ABCF2: variants seen among roughly 807,000 people sequenced by gnomAD.
ABCF2 encodes ATP-binding cassette sub-family F member 2.
Under a neutral mutation model 76.9 loss-of-function variants are expected in ABCF2, and 37 were observed. The ratio of observed to expected loss-of-function variants is 0.48; its 90% CI spans 0.37 to 0.63. The LOEUF (loss-of-function observed/expected upper bound fraction) is 0.63. Among genes scored for constraint, ABCF2 ranks in the 30% least tolerant of loss-of-function variants. The pLI is 0.00. For synonymous variants in ABCF2, 299 were observed against 283.7 expected (o/e 1.05, Z -0.54); for missense variants, 524 against 782.1 (o/e 0.67, Z 3.94).
intron 3 of ABCF2, 119 bp downstream of exon 3, chr7:151,224,657 T>C (rs1020634007): frequency 2.2e-6 from 2 of 893,978 alleles, no homozygotes; most frequent in Non-Finnish European, 3.6e-6. Flanking sequence ...GGACATAATC[T>C]GGTCTCCCAT....
In ABCF2 at chr7:151,215,144, C is replaced by G; in HGVS notation, c.1531-62G>C. The G allele has an allele frequency of 6.9e-7, 1 of 1,459,676 alleles. No homozygotes were observed. The highest frequency in any genetic ancestry group is 1.2e-5 in the South Asian group (1 of 82,598). 90.4% of individuals were successfully genotyped at this position (1,459,676 alleles called of 1,614,324 possible). ...ATCCCCGCCAAACAGCACAGCTCAT[C>G]TCTCCCTCATTTCTCCCTGACTCCT... On this transcript the variant is annotated intron_variant, in intron 13 of 14. Coordinates refer to ENST00000287844, the MANE Select transcript of ABCF2 (RefSeq NM_007189.3). This position sits in a 1 kb window ranked among gnomAD's most constrained non-coding sequence, Gnocchi z 4.6.
intron 11 of ABCF2, among the ~76,000 whole-genome samples, chr7:151,217,038 A>T (rs1802165347): frequency 6.6e-6 from 1 of 152,248 alleles, no homozygotes; most frequent in African/African-American, 2.4e-5. Context: ...ATAATCACGA[A>T]TGTGGCTGGT....
In ABCF2 at chr7:151,214,052, G is replaced by A. The variant is rs1181517217; in HGVS notation, c.*2C>T. 2 of 1,613,494 alleles carry A rather than the reference G, an allele frequency of 1.2e-6. No homozygotes were observed. The highest frequency in any genetic ancestry group is 1.7e-6 in the Non-Finnish European group (2 of 1,179,914). ...CTCCTGACCCGAACCCAGGTAGAGGGCTCACACGTTGTGGGTCCTCTTGGT... is the reference window on the plus strand; with the variant it reads ...CTCCTGACCCGAACCCAGGTAGAGGACTCACACGTTGTGGGTCCTCTTGGT... On this transcript the variant is annotated 3_prime_UTR_variant, in exon 15 of 15. Transcript: ENST00000287844. The surrounding 1 kb of genome is among the most constrained non-coding windows in gnomAD (Gnocchi z 4.9).
At position 151,212,301 on chromosome 7, in the gene ABCF2, T is replaced by G; in HGVS notation, c.*1753A>C. 5 of 985,056 alleles carry G rather than the reference T, an allele frequency of 5.1e-6. No homozygotes were observed. The highest frequency in any genetic ancestry group is 6.0e-6 in the Non-Finnish European group (5 of 829,924). 61.0% of individuals were successfully genotyped at this position (985,056 alleles called of 1,614,324 possible). On this transcript the variant is annotated 3_prime_UTR_variant, in exon 15 of 15. Transcript: ENST00000287844. ...AAGTTCAAAAGACCCAGATAAGGTA[T>G]GCAGAGCCCTGGGCTGGAAGTGAAT...
chr7:151,226,503 G>A lies in ABCF2; in HGVS notation c.-42-3C>T. On this transcript the variant is annotated splice_polypyrimidine_tract_variant and splice_region_variant and intron_variant, in intron 1 of 14. Coordinates refer to ENST00000287844, the MANE Select transcript of ABCF2 (RefSeq NM_007189.3). ...AGGTTACTGTTGTTTCAGGGAGCCT[G>A]AAGGAAGGCAAACAGATACCCCCAA... is the stretch of plus-strand genomic sequence containing the variant. The A allele has an allele frequency of 6.3e-7, 1 of 1,595,238 alleles. No homozygotes were observed. The highest frequency in any genetic ancestry group is 8.5e-7 in the Non-Finnish European group (1 of 1,170,940).
intron 11 of ABCF2, among the ~76,000 whole-genome samples, chr7:151,216,892 C>T (rs1802162210): frequency 6.6e-6 from 1 of 152,102 alleles, no homozygotes; most frequent in Non-Finnish European, 1.5e-5. Flanking sequence ...TTAATAAAAA[C>T]AAGGTAAGAT....
chr7:151,226,267 T>C, intron 2 of ABCF2, 38 bp downstream of exon 2: 1 of 1,603,746 alleles, frequency 6.2e-7, no homozygotes, highest in Non-Finnish European at 8.5e-7. Context: ...GCATTAAGTC[T>C]TAGCAACCAT....
Position 151,213,134 on chromosome 7 carries a change from G to C in ABCF2, c.*920C>G, listed in dbSNP as rs977037052. On this transcript the variant is annotated 3_prime_UTR_variant, in exon 15 of 15. Transcript: ENST00000287844. Reference sequence around the variant, plus strand: ...CCTCAGATCACAATCAGAAAACCACGCTCCTGGACAGTGGTTCTCAAAATA... The same window carrying C: ...CCTCAGATCACAATCAGAAAACCACCCTCCTGGACAGTGGTTCTCAAAATA... 1.0e-6 allele frequency: 1 copy of C among 985,236 alleles called. No homozygotes were observed. Among genetic ancestry groups the C allele is most frequent in the African/African-American group, 1.7e-5 (1 of 57,198 alleles). The allele number at this position is 985,236 out of a possible 1,614,324, so 61.0% of individuals were successfully genotyped here. A position where few individuals can be genotyped will look rare whatever the true frequency, so the allele number is the denominator to read the frequency against.
intron 7 of ABCF2, among the ~76,000 whole-genome samples, chr7:151,220,032 G>A (rs1466217409): frequency 6.6e-6 from 1 of 152,080 alleles, no homozygotes; most frequent in African/African-American, 2.4e-5. Flanking sequence ...CTGGGAGGCA[G>A]AAGTTGCAGT....
chr7:151,224,234 C>G, intron 3 of ABCF2, 120 bp from the exon 4 acceptor site: 2 of 916,584 alleles, frequency 2.2e-6, no homozygotes, highest in South Asian at 1.6e-5. Flanking sequence ...GAGGACCTTT[C>G]TTCCCTTCAT....
At position 151,214,851 on chromosome 7, in the gene ABCF2, G is replaced by A; in HGVS notation, c.1734+28C>T. ...TACCCAACCCCCTAGAAGCTCTGCT[G>A]TGCCTCACCCCCTGGCCAGGGCCTC... On this transcript the variant is annotated intron_variant, in intron 14 of 14. Transcript: ENST00000287844. The surrounding 1 kb of genome is among the most constrained non-coding windows in gnomAD (Gnocchi z 4.9). The A allele has an allele frequency of 6.2e-7, 1 of 1,611,634 alleles. No homozygotes were observed. The highest frequency in any genetic ancestry group is 1.1e-5 in the South Asian group (1 of 91,030).
chr7:151,215,460 G>A lies in ABCF2; in HGVS notation c.1530+144C>T. On this transcript the variant is annotated intron_variant, in intron 13 of 14. Transcript: ENST00000287844. The surrounding 1 kb of genome is among the most constrained non-coding windows in gnomAD (Gnocchi z 4.6). ...CATAACAACCTAGAGTAAAGAAAAGGTAGTAGGTTCTTAGGGGAGTCAAAT... is the reference window on the plus strand; with the variant it reads ...CATAACAACCTAGAGTAAAGAAAAGATAGTAGGTTCTTAGGGGAGTCAAAT... The A allele has an allele frequency of 9.9e-7, 1 of 1,005,704 alleles. No homozygotes were observed. The highest frequency in any genetic ancestry group is 1.5e-6 in the Non-Finnish European group (1 of 678,558). 62.3% of individuals were successfully genotyped at this position (1,005,704 alleles called of 1,614,324 possible).
chr7:151,226,431 CCTT>C lies in ABCF2; in HGVS notation c.25_27del (p.Lys9del), dbSNP rs754804770. 6.8e-6 allele frequency: 11 copies of C among 1,614,056 alleles called. No individual in the cohort carries two copies. The highest frequency in any genetic ancestry group is 6.8e-6 in the Non-Finnish European group (8 of 1,180,002). ...TTGGCAGCCTCCTTCTTTTTGGCTGCCTTCTTCTTGGCCAGGTCGGAGGGCATG... is the reference window on the plus strand; with the variant it reads ...TTGGCAGCCTCCTTCTTTTTGGCTGCCTTCTTGGCCAGGTCGGAGGGCATG... On this transcript the variant is annotated inframe_deletion, in exon 2 of 15. Transcript: ENST00000287844.
chr7:151,214,063 G>A lies in ABCF2; in HGVS notation c.1863C>T (p.His621=). The A allele has an allele frequency of 6.2e-7, 1 of 1,613,940 alleles. No homozygotes were observed. Residue 621 remains histidine (H), a synonymous_variant, in exon 15 of 15, where the codon CAC becomes CAT. Coordinates refer to ENST00000287844, the MANE Select transcript of ABCF2 (RefSeq NM_007189.3). This position sits in a 1 kb window ranked among gnomAD's most constrained non-coding sequence, Gnocchi z 4.9. ...DEEPQLTKRT[H]NV ...AACCCAGGTAGAGGGCTCACACGTT[G>A]TGGGTCCTCTTGGTGAGCTGGGGCT...
At chr7:151,216,149 T>C (rs763728587) in intron 11 of ABCF2, 120 bp from the exon 12 acceptor site, 13 of 821,434 alleles carry the variant, frequency 1.6e-5, no homozygotes, top group Non-Finnish European at 2.7e-5. Flanking sequence ...CTAAAAAGAA[T>C]ACATCACCAA....
rs1328822090 is a variant in ABCF2, at chr7:151,224,451, C to G, written c.367+325G>C. On this transcript the variant is annotated intron_variant, in intron 3 of 14. Coordinates refer to ENST00000287844, the MANE Select transcript of ABCF2 (RefSeq NM_007189.3). ...TCCAAAATGCTCCAAAATCCAAAAC[C>G]TTTTAAGTGCTCACATGATGCTTAA... is the stretch of plus-strand genomic sequence containing the variant. Among the ~76,000 whole-genome samples the G allele has an allele frequency of 2.0e-5, 3 of 152,156 alleles. No individual in the cohort carries two copies. The South Asian group carries it at 6.2e-4, about 31-fold the overall frequency.
In ABCF2 at chr7:151,215,790, C is replaced by G; in HGVS notation, c.1402-58G>C. On this transcript the variant is annotated intron_variant, in intron 12 of 14. Coordinates refer to ENST00000287844, the MANE Select transcript of ABCF2 (RefSeq NM_007189.3). The surrounding 1 kb of genome is among the most constrained non-coding windows in gnomAD (Gnocchi z 4.6). Reference sequence around the variant, plus strand: ...CTGGCATCCCGCTTCAAAATAAACCCTACTAGGTAACTTCCTATTTCTATC... The same window carrying G: ...CTGGCATCCCGCTTCAAAATAAACCGTACTAGGTAACTTCCTATTTCTATC... 1 of 1,611,410 alleles carries G rather than the reference C, an allele frequency of 6.2e-7. No homozygotes were observed. The highest frequency in any genetic ancestry group is 1.1e-5 in the South Asian group (1 of 90,934).
At chr7:151,216,087 T>C (rs774985646) in intron 11 of ABCF2, 58 bp from the exon 12 acceptor site, 56 of 1,484,346 alleles carry the variant, frequency 3.8e-5, no homozygotes, top group Non-Finnish European at 4.7e-5. Flanking sequence ...GTTAGAAACA[T>C]AGGCAGAGCA....
In ABCF2 at chr7:151,215,883, G is replaced by A. The variant is rs1457271772; in HGVS notation, c.1401+84C>T. 1.9e-6 allele frequency: 3 copies of A among 1,580,244 alleles called. No individual in the cohort carries two copies. Among genetic ancestry groups the A allele is most frequent in the Non-Finnish European group, 1.7e-6 (2 of 1,155,532 alleles). ...TAGGCTGGAATTCCTGCCAGGGGGT[G>A]GGGGCGGCTGGCTGGAACTCAGCCA... On this transcript the variant is annotated intron_variant, in intron 12 of 14. Transcript: ENST00000287844. This position sits in a 1 kb window ranked among gnomAD's most constrained non-coding sequence, Gnocchi z 4.6.
Sources: gnomAD v4.1 joint callset for allele counts (sites outside exome capture counted in the v4.1 genomes callset) on GRCh38, gnomAD v4.1.1 for gene constraint, Gnocchi (gnomAD v3.1) non-coding constraint, MANE v1.5 for transcripts, NCBI Gene and HGNC (gene_info 2026-07-23, HGNC 2026-07-21) for gene names.